Variants in MRPS5 observed in about 807,000 individuals in gnomAD.
The protein encoded by MRPS5 is small ribosomal subunit protein uS5m.
Under a neutral mutation model 51.9 loss-of-function variants are expected in MRPS5, and 27 were observed. That is an observed-to-expected ratio of 0.52 (90% CI 0.38 to 0.72). MRPS5 has a LOEUF of 0.72. MRPS5 is among the 30% of genes least tolerant of loss of function. MRPS5 has a pLI of 0.00. For synonymous variants in MRPS5, 196 were observed against 193.2 expected, an observed-to-expected ratio of 1.01 and a Z score of -0.12; for missense variants, 570 against 545.7, an observed-to-expected ratio of 1.04 and a Z score of -0.44.
chr2:95,090,441 C>A lies in MRPS5; in HGVS notation c.1013G>T (p.Gly338Val). The change falls in exon 11 of 12, where the codon GGG (glycine) becomes GTG (valine). Residue 338 changes from glycine to valine, a missense_variant. By Grantham distance (109) the Gly-to-Val change is moderately radical. Coordinates refer to ENST00000272418, the MANE Select transcript of MRPS5 (RefSeq NM_031902.5). ...GIKDMYAKVS[G>V]SINMLSLTQG... The stretch of plus-strand genomic sequence containing the variant: ...GGTGAGGCTGAGCATATTAATGGAC[C>A]CAGAGACCTTGGCATACATGTCTTT... The A allele has an allele frequency of 6.2e-7, 1 of 1,614,098 alleles. No individual in the cohort carries two copies. The highest frequency in any genetic ancestry group is 8.5e-7 in the Non-Finnish European group (1 of 1,180,022).
Position 95,115,130 on chromosome 2 carries a change from G to A in MRPS5, c.213C>T (p.Cys71=). ...TCAGGTGACTGGGAGAAGAAATACAGCATTGTGTCTGCAGTGCACGGCTCA... is the reference window on the plus strand; with the variant it reads ...TCAGGTGACTGGGAGAAGAAATACAACATTGTGTCTGCAGTGCACGGCTCA... ...ASLSRALQTQ[C]CISSPSHLMS... Residue 71 remains cysteine, a synonymous_variant, in exon 3 of 12, where the codon TGC becomes TGT. Coordinates refer to ENST00000272418, the MANE Select transcript of MRPS5 (RefSeq NM_031902.5). The A allele has an allele frequency of 6.2e-7, 1 of 1,612,882 alleles. No homozygotes were observed. Among genetic ancestry groups the A allele is most frequent in the Non-Finnish European group, 8.5e-7 (1 of 1,179,728 alleles).
At chr2:95,106,619 GAGACTGCTCCACC>G (rs1675958771) in intron 5 of MRPS5, 162 bp from the exon 6 acceptor site, 1 of 647,404 alleles carries the variant, frequency 1.5e-6, no homozygotes, top group African/African-American at 1.8e-5. Flanking sequence ...CTCATCACTA[GAGACTGCTCCACC>G]AGTTAAGTTC....
In MRPS5 at chr2:95,100,850, A is replaced by G. The variant is rs149012960; in HGVS notation, c.855T>C (p.Tyr285=). 1.1e-5 allele frequency: 18 copies of G among 1,602,814 alleles called. No homozygotes were observed. The African/African-American group carries it at 2.0e-4, about 18-fold the overall frequency. The part of the protein sequence containing the change: ...AVHHLHYIER[Y]EDHTIFHDIS... ...ATTATCACTCACTTGTATGGTCTTC[A>G]TATCGTTCTATATAATGCAAATGGT... is the stretch of plus-strand genomic sequence containing the variant. Residue 285 remains tyrosine, a synonymous_variant, in exon 9 of 12, where the codon TAT becomes TAC. Coordinates refer to ENST00000272418, the MANE Select transcript of MRPS5 (RefSeq NM_031902.5).
At chr2:95,105,058 T>A (rs1214737270) in intron 6 of MRPS5, among the ~76,000 whole-genome samples, 1 of 152,206 alleles carries the variant, frequency 6.6e-6, no homozygotes, top group Non-Finnish European at 1.5e-5. Context: ...AAGTTGCTGA[T>A]CAAACTTTGA....
At chr2:95,111,217 T>A (rs1676108514) in intron 3 of MRPS5, among the ~76,000 whole-genome samples, 1 of 152,200 alleles carries the variant, frequency 6.6e-6, no homozygotes, top group African/African-American at 2.4e-5. Context: ...TTAAGCCAAC[T>A]CTAATTCACT....
chr2:95,117,477 C>T (rs556602555), intron 2 of MRPS5, among the ~76,000 whole-genome samples: 1 of 150,254 alleles, frequency 6.7e-6, no homozygotes, highest in Non-Finnish European at 1.5e-5. Flanking sequence ...CAAAATTGTG[C>T]TTCTTACTAT....
upstream of MRPS5, chr2:95,121,967 GAGCCCGGCGCGACCGCGGAC>G (rs1573359241): frequency 2.8e-6 from 2 of 702,130 alleles, no homozygotes; most frequent in East Asian, 3.5e-5. Flanking sequence ...ACTGCAGGCG[GAGCCCGGCGCGACCGCGGAC>G]AGCCCCGCGG....
intron 3 of MRPS5, among the ~76,000 whole-genome samples, chr2:95,113,124 G>A (rs1676174931): frequency 6.6e-6 from 1 of 152,136 alleles, no homozygotes; most frequent in East Asian, 1.9e-4. Context: ...ATGAGGTCTT[G>A]GAGAGTAAGG....
intron 10 of MRPS5, among the ~76,000 whole-genome samples, chr2:95,098,804 T>C (rs1170630293): frequency 6.6e-6 from 1 of 151,912 alleles, no homozygotes; most frequent in Non-Finnish European, 1.5e-5. Flanking sequence ...AACCTGCACA[T>C]TGTGCACATG....
At chr2:95,109,060 C>T (rs1676038994) in intron 4 of MRPS5, among the ~76,000 whole-genome samples, 1 of 151,502 alleles carries the variant, frequency 6.6e-6, no homozygotes, top group Non-Finnish European at 1.5e-5. Flanking sequence ...CAATATGAGG[C>T]CAGTGGTTTC....
chr2:95,091,663 T>C (rs1675471047), intron 10 of MRPS5: 1 of 152,150 alleles, frequency 6.6e-6, no homozygotes, highest in Non-Finnish European at 1.5e-5. Flanking sequence ...GAAAATCTAC[T>C]CTGGAAGTTG....
In MRPS5 at chr2:95,097,918, C is replaced by G. The variant is rs533412438; in HGVS notation, c.931+2556G>C. On this transcript the variant is annotated intron_variant, in intron 10 of 11. Transcript: ENST00000272418. Reference sequence around the variant, plus strand: ...CCATCAGAGTGAACAGGCAACCTACCGAATGGGAGAAAATTTTTATAATCT... The same window carrying G: ...CCATCAGAGTGAACAGGCAACCTACGGAATGGGAGAAAATTTTTATAATCT... Among the ~76,000 whole-genome samples, 110 of 152,144 alleles carry G rather than the reference C, an allele frequency of 7.2e-4. No homozygotes were observed. The South Asian group carries it at 9.1e-3, about 13-fold the overall frequency.
intron 10 of MRPS5, among the ~76,000 whole-genome samples, chr2:95,099,374 T>G (rs866941419): frequency 6.6e-6 from 1 of 152,204 alleles, no homozygotes; most frequent in African/African-American, 2.4e-5. Context: ...CATAGATGCA[T>G]TTTGAAAAGT....
Position 95,100,837 on chromosome 2 carries a change from T to C in MRPS5, c.868A>G (p.Ile290Val), listed in dbSNP as rs540372989. 6.3e-7 allele frequency: 1 copy of C among 1,595,430 alleles called. No individual in the cohort carries two copies. Among genetic ancestry groups the C allele is most frequent in the Admixed American group, 1.7e-5 (1 of 57,252 alleles). The change falls in exon 9 of 12, where the codon ATA (isoleucine) becomes GTA (valine). Residue 290 changes from isoleucine to valine, a missense_variant and splice_region_variant. Transcript: ENST00000272418. ...HYIERYEDHTIFHDISLRFKR... is the reference protein window; with the variant it reads ...HYIERYEDHTVFHDISLRFKR... ...AAAAAAAAAATAGATTATCACTCAC[T>C]TGTATGGTCTTCATATCGTTCTATA...
intron 10 of MRPS5, among the ~76,000 whole-genome samples, chr2:95,096,311 G>C (rs1242988606): frequency 6.6e-6 from 1 of 152,170 alleles, no homozygotes; most frequent in African/African-American, 2.4e-5. Context: ...TAGAAAAAGA[G>C]GGAATCCTCC....
At chr2:95,088,273 G>A (rs758677223) in intron 11 of MRPS5, among the ~76,000 whole-genome samples, 2 of 151,836 alleles carry the variant, frequency 1.3e-5, no homozygotes, top group South Asian at 2.1e-4. Context: ...TCATCTTTTC[G>A]AAGATACATA....
intron 1 of MRPS5, among the ~76,000 whole-genome samples, chr2:95,121,346 G>T (rs774725394): frequency 6.6e-6 from 1 of 152,154 alleles, no homozygotes; most frequent in Non-Finnish European, 1.5e-5. Flanking sequence ...AGTCAATCAC[G>T]GAGCGTCTCC....
chr2:95,093,892 T>G (rs914558992), intron 10 of MRPS5, among the ~76,000 whole-genome samples: 1 of 152,172 alleles, frequency 6.6e-6, no homozygotes, highest in South Asian at 2.1e-4. Context: ...CTTTGACAAG[T>G]TGGCAGAAGT....
At chr2:95,101,744 A>G (rs2104408827) in intron 7 of MRPS5, 21 bp from the exon 8 acceptor site, 3 of 1,579,956 alleles carry the variant, frequency 1.9e-6, no homozygotes, top group East Asian at 2.2e-5. Flanking sequence ...AAAAGCAAAA[A>G]TAAGAAAAGA....
Sources: gnomAD v4.1 joint callset for allele counts (sites outside exome capture counted in the v4.1 genomes callset) on GRCh38, gnomAD v4.1.1 for gene constraint, MANE v1.5 for transcripts, NCBI Gene and HGNC (gene_info 2026-07-23, HGNC 2026-07-21) for gene names.